PSORS1C1: variants seen among roughly 807,000 people sequenced by gnomAD.
PSORS1C1 encodes psoriasis susceptibility 1 candidate 1, also known as psoriasis susceptibility 1 candidate gene 1 protein.
A neutral mutation model predicts 9.4 loss-of-function variants in PSORS1C1; 7 were observed. That is an observed-to-expected ratio of 0.75 (90% CI 0.42 to 1.40). The LOEUF is 1.40. Among genes scored for constraint, PSORS1C1 ranks in the 40% most tolerant of loss-of-function variants. The probability of loss-of-function intolerance (pLI) is 0.01; values close to 1 mark genes in which losing one functional copy is unlikely to be tolerated. For missense variants in PSORS1C1, 146 were observed against 178.1 expected (o/e 0.82, Z 1.02); for synonymous variants, 63 against 69.4 (o/e 0.91, Z 0.46).
chr6:31,139,519 CTA>C lies in PSORS1C1; in HGVS notation c.168-121_168-120del, dbSNP rs1356677299. ...GATGCAGCTGGGACAGTGTCAGCTA[CTA>C]CCCCAGCCTCCCCACTCACCCCCGC... On this transcript the variant is annotated intron_variant, in intron 5 of 5. Transcript: ENST00000259881. The surrounding 1 kb of genome is among the most constrained non-coding windows in gnomAD (Gnocchi z 5.2). 2 of 903,912 alleles carry C rather than the reference CTA, an allele frequency of 2.2e-6. No homozygotes were observed. The highest frequency in any genetic ancestry group is 3.3e-6 in the Non-Finnish European group (2 of 599,270). The allele number at this position is 903,912 out of a possible 1,614,324, so 56.0% of individuals were successfully genotyped here.
intron 3 of PSORS1C1, among the ~76,000 whole-genome samples, chr6:31,130,399 T>C (rs1772854832): frequency 7.3e-6 from 1 of 137,292 alleles, no homozygotes; most frequent in Non-Finnish European, 1.5e-5. Context: ...TGCACTACCA[T>C]GGCCTGGCTA....
At chr6:31,130,681 G>A (rs1440781314) in intron 3 of PSORS1C1, among the ~76,000 whole-genome samples, 6 of 152,018 alleles carry the variant, frequency 3.9e-5, no homozygotes, top group African/African-American at 7.3e-5. Context: ...GATTACAAGC[G>A]TGAGCCACTG....
At position 31,114,907 on chromosome 6, in the gene PSORS1C1, G is replaced by A. The variant is rs1214506532; in HGVS notation, c.-229+16G>A. 7 of 456,158 alleles carry A rather than the reference G, an allele frequency of 1.5e-5. No individual in the cohort carries two copies. The highest frequency in any genetic ancestry group is 3.1e-5 in the Non-Finnish European group (7 of 226,798). The allele number at this position is 456,158 out of a possible 1,614,324, so 28.3% of individuals were successfully genotyped here. The stretch of plus-strand genomic sequence containing the variant: ...CATCTAGAAGGTGAGGAATGCTAAT[G>A]GTGGAAGAAAAGGAGTTTGGGTGGG... On this transcript the variant is annotated intron_variant, in intron 1 of 5. Coordinates refer to ENST00000259881, the MANE Select transcript of PSORS1C1 (RefSeq NM_014068.3).
At chr6:31,136,684 G>T (rs1198794238) in intron 3 of PSORS1C1, among the ~76,000 whole-genome samples, 1 of 152,170 alleles carries the variant, frequency 6.6e-6, no homozygotes, top group Non-Finnish European at 1.5e-5. Context: ...AGTGTTCTCA[G>T]AAAGGGAGAA....
At position 31,139,820 on chromosome 6, in the gene PSORS1C1, C is replaced by T; in HGVS notation, c.347C>T (p.Pro116Leu). ...EEAARLQQPQ[P>L]LPPPSGIHLS... ...GCTGCCAGGCTCCAGCAACCTCAGCCCCTTCCTCCTCCCTCAGGAATCCAC... is the reference window on the plus strand; with the variant it reads ...GCTGCCAGGCTCCAGCAACCTCAGCTCCTTCCTCCTCCCTCAGGAATCCAC... The change falls in exon 6 of 6, where the codon CCC (proline) becomes CTC (leucine). Residue 116 changes from proline (P) to leucine (L), a missense_variant. By Grantham distance (98) the Pro-to-Leu change is moderately conservative. Coordinates refer to ENST00000259881, the MANE Select transcript of PSORS1C1 (RefSeq NM_014068.3). This position sits in a 1 kb window ranked among gnomAD's most constrained non-coding sequence, Gnocchi z 5.2. 6.2e-7 allele frequency: 1 copy of T among 1,613,098 alleles called. No individual in the cohort carries two copies. Among genetic ancestry groups the T allele is most frequent in the Non-Finnish European group, 8.5e-7 (1 of 1,180,034 alleles).
At chr6:31,132,287 C>T (rs1432644636) in intron 3 of PSORS1C1, among the ~76,000 whole-genome samples, 2 of 152,106 alleles carry the variant, frequency 1.3e-5, no homozygotes, top group Non-Finnish European at 2.9e-5. Flanking sequence ...TTTGGGAGGC[C>T]AAGGCGGGCA....
chr6:31,139,746 T>C lies in PSORS1C1; in HGVS notation c.273T>C (p.Ser91=). The change falls in exon 6 of 6, where the codon TCT becomes TCC. Residue 91 remains serine, a synonymous_variant. Coordinates refer to ENST00000259881, the MANE Select transcript of PSORS1C1 (RefSeq NM_014068.3). The surrounding 1 kb of genome is among the most constrained non-coding windows in gnomAD (Gnocchi z 5.2). Reference sequence around the variant, plus strand: ...CACAGGAGGATATCCTGGTTCCCTCTTCCCACCCAGAGCTGTTTGCATCAG... The same window carrying C: ...CACAGGAGGATATCCTGGTTCCCTCCTCCCACCCAGAGCTGTTTGCATCAG... ...GRTQEDILVP[S]SHPELFASVL... 2 of 1,613,104 alleles carry C rather than the reference T, an allele frequency of 1.2e-6. No homozygotes were observed. Among genetic ancestry groups the C allele is most frequent in the Non-Finnish European group, 1.7e-6 (2 of 1,180,036 alleles).
intron 1 of PSORS1C1, among the ~76,000 whole-genome samples, chr6:31,119,665 G>A (rs1470268497): frequency 6.6e-6 from 1 of 152,192 alleles, no homozygotes; most frequent in Non-Finnish European, 1.5e-5. Context: ...TTGGGAGGCT[G>A]AGGCGAGCGG....
At chr6:31,116,690 G>A (rs753468197) in intron 1 of PSORS1C1, 2 of 1,612,720 alleles carry the variant, frequency 1.2e-6, no homozygotes, top group Admixed American at 1.7e-5. Context: ...GTCATGCCTG[G>A]AACCAGATAA....
chr6:31,116,610 C>A (rs1326577358), intron 1 of PSORS1C1: 5 of 1,613,168 alleles, frequency 3.1e-6, no homozygotes, highest in East Asian at 2.2e-5. Context: ...AGGAAGGGAC[C>A]CCTGGAGAGC....
At chr6:31,134,519 A>T (rs544420169) in intron 3 of PSORS1C1, among the ~76,000 whole-genome samples, 1 of 151,458 alleles carries the variant, frequency 6.6e-6, no homozygotes, top group Non-Finnish European at 1.5e-5. Context: ...GTTAGCCAGG[A>T]TGGTCTCGAT....
intron 3 of PSORS1C1, among the ~76,000 whole-genome samples, chr6:31,135,059 A>G (rs1443453180): frequency 6.7e-6 from 1 of 149,746 alleles, no homozygotes; most frequent in African/African-American, 2.5e-5. Context: ...CAAGCAATCC[A>G]CCCGATTCGG....
In PSORS1C1 at chr6:31,139,321, T is replaced by A; in HGVS notation, c.168-320T>A. On this transcript the variant is annotated intron_variant, in intron 5 of 5. Coordinates refer to ENST00000259881, the MANE Select transcript of PSORS1C1 (RefSeq NM_014068.3). The surrounding 1 kb of genome is among the most constrained non-coding windows in gnomAD (Gnocchi z 5.2). ...ACCCTCCATCCACATCCTGGAGCAG[T>A]CAATACCCACTTGGCATCTCCGTAA... 1.7e-6 allele frequency: 1 copy of A among 584,140 alleles called. No individual in the cohort carries two copies. The highest frequency in any genetic ancestry group is 2.2e-5 in the South Asian group (1 of 45,988). The allele number at this position is 584,140 out of a possible 1,614,324, so 36.2% of individuals were successfully genotyped here.
intron 1 of PSORS1C1, among the ~76,000 whole-genome samples, chr6:31,123,562 T>G (rs890593558): frequency 6.6e-6 from 1 of 152,172 alleles, no homozygotes; most frequent in African/African-American, 2.4e-5. Flanking sequence ...TGCCCGTGCA[T>G]TGGACCGGGT....
chr6:31,117,522 C>T, intron 1 of PSORS1C1: 2 of 1,550,284 alleles, frequency 1.3e-6, no homozygotes, highest in South Asian at 2.4e-5. Flanking sequence ...TGCTCTTAGC[C>T]AAGGTCCCTG....
Position 31,139,743 on chromosome 6 carries a change from C to T in PSORS1C1, c.270C>T (p.Pro90=), listed in dbSNP as rs1156984186. The change falls in exon 6 of 6, where the codon CCC becomes CCT. Residue 90 remains proline, a synonymous_variant. Coordinates refer to ENST00000259881, the MANE Select transcript of PSORS1C1 (RefSeq NM_014068.3). The surrounding 1 kb of genome is among the most constrained non-coding windows in gnomAD (Gnocchi z 5.2). ...KGRTQEDILV[P]SSHPELFASV... ...GGACACAGGAGGATATCCTGGTTCC[C>T]TCTTCCCACCCAGAGCTGTTTGCAT... The T allele has an allele frequency of 1.2e-6, 2 of 1,612,978 alleles. No individual in the cohort carries two copies. The highest frequency in any genetic ancestry group is 8.5e-7 in the Non-Finnish European group (1 of 1,180,046).
In PSORS1C1 at chr6:31,139,342, C is replaced by T. The variant is rs1773330537; in HGVS notation, c.168-299C>T. ...GCAGTCAATACCCACTTGGCATCTC[C>T]GTAATCACAGAGATGTCCACCTTCA... On this transcript the variant is annotated intron_variant, in intron 5 of 5. Coordinates refer to ENST00000259881, the MANE Select transcript of PSORS1C1 (RefSeq NM_014068.3). The surrounding 1 kb of genome is among the most constrained non-coding windows in gnomAD (Gnocchi z 5.2). The T allele has an allele frequency of 8.6e-6, 5 of 584,736 alleles. No homozygotes were observed. Among genetic ancestry groups the T allele is most frequent in the South Asian group, 6.5e-5 (3 of 46,190 alleles). The allele number at this position is 584,736 out of a possible 1,614,324, so 36.2% of individuals were successfully genotyped here. A position where few individuals can be genotyped will look rare whatever the true frequency, so the allele number is the denominator to read the frequency against.
chr6:31,120,526 A>G, intron 1 of PSORS1C1: 2 of 1,013,166 alleles, frequency 2.0e-6, no homozygotes, highest in Non-Finnish European at 3.0e-6. Context: ...AGAGGAGGAG[A>G]GGTGGAGGGG....
intron 2 of PSORS1C1, among the ~76,000 whole-genome samples, chr6:31,126,724 C>CCT (rs1258516801): frequency 1.3e-5 from 2 of 152,158 alleles, no homozygotes; most frequent in African/African-American, 4.8e-5. Context: ...GCCACTGAAT[C>CCT]CTGAAAGAGG....
Sources: gnomAD v4.1 joint callset for allele counts (sites outside exome capture counted in the v4.1 genomes callset) on GRCh38, gnomAD v4.1.1 for gene constraint, Gnocchi (gnomAD v3.1) non-coding constraint, MANE v1.5 for transcripts, NCBI Gene and HGNC (gene_info 2026-07-23, HGNC 2026-07-21) for gene names.